AKAP1: variants seen among roughly 807,000 people sequenced by gnomAD.
AKAP1 encodes the protein A-kinase anchor protein 1, mitochondrial.
In AKAP1, 32 loss-of-function variants were observed where a neutral mutation model predicts 79.8. The ratio of observed to expected loss-of-function variants is 0.40; its 90% confidence interval spans 0.30 to 0.54. The LOEUF (loss-of-function observed/expected upper bound fraction) is 0.54. AKAP1 is among the 20% of genes least tolerant of loss of function. AKAP1 has a pLI of 0.47. For missense variants in AKAP1, 961 were observed against 1,138.9 expected, an observed-to-expected ratio of 0.84 and a Z score of 2.25; for synonymous variants, 416 against 466.7, an observed-to-expected ratio of 0.89 and a Z score of 1.40.
At chr17:57,111,657 A>C (rs1334921298) in intron 3 of AKAP1, 141 bp from the exon 4 acceptor site, 2 of 1,065,574 alleles carry the variant, frequency 1.9e-6, no homozygotes, top group Non-Finnish European at 2.7e-6. Flanking sequence ...AAGTGCTTAG[A>C]ATAGTCCTGG....
rs543002649 is a variant in AKAP1 at position 57,115,583 on chromosome 17, G to A, written c.2282-528G>A. ...TCCTTGATCCTGGGTGGCTGCCCAG[G>A]TGCTGTCAGCACCTTCCAGAGGCAA... On this transcript the variant is annotated intron_variant, in intron 6 of 10. Transcript: ENST00000337714. 1.1e-3 allele frequency among the ~76,000 whole-genome samples: 163 copies of A among 152,292 alleles called. 1 individual carries two copies. The highest frequency in any genetic ancestry group is 1.6e-3 in the Non-Finnish European group (111 of 68,030).
At chr17:57,088,491 G>A (rs1597954761) in intron 1 of AKAP1, among the ~76,000 whole-genome samples, 1 of 152,214 alleles carries the variant, frequency 6.6e-6, no homozygotes, top group South Asian at 2.1e-4. Flanking sequence ...TGAGGGTGAA[G>A]CTGGAGGTCA....
rs752939942 is a variant in AKAP1, at chr17:57,109,990, G to C, written c.1715-35G>C. 2.5e-6 allele frequency: 4 copies of C among 1,609,886 alleles called. No individual in the cohort carries two copies. The East Asian group carries it at 6.7e-5, about 27-fold the overall frequency. On this transcript the variant is annotated intron_variant, in intron 2 of 10. Transcript: ENST00000337714. ...TTACTGGCTGCTCTGAGTGGGGTCT[G>C]TGTGTGTGCGTGCCTGCTGCTTCTT...
At chr17:57,114,724 G>C in intron 6 of AKAP1, 88 bp downstream of exon 6, 1 of 1,335,768 alleles carries the variant, frequency 7.5e-7, no homozygotes, top group Non-Finnish European at 1.0e-6. Flanking sequence ...GCTGTTCTGC[G>C]ATCCTTCATG....
Sources: allele counts gnomAD v4.1 joint callset (sites outside exome capture counted in the v4.1 genomes callset), GRCh38; gene constraint gnomAD v4.1.1; transcripts MANE v1.5; gene names NCBI Gene and HGNC (gene_info 2026-07-23, HGNC 2026-07-21).